Variants in PIP5K1B observed in about 807,000 individuals in gnomAD.
PIP5K1B encodes phosphatidylinositol-4-phosphate 5-kinase type 1 beta.
Under a neutral mutation model 67.0 loss-of-function variants are expected in PIP5K1B, and 42 were observed. The observed-to-expected ratio is 0.63, with a 90% CI of 0.49 to 0.81. The LOEUF (loss-of-function observed/expected upper bound fraction) is 0.81. Ranked by LOEUF, PIP5K1B falls within the 30% of genes least tolerant of loss-of-function variation. The pLI is 0.00. For missense variants in PIP5K1B, 459 were observed against 646.3 expected, an observed-to-expected ratio of 0.71 and a Z score of 3.14; for synonymous variants, 214 against 231.4, an observed-to-expected ratio of 0.92 and a Z score of 0.68.
chr9:68,914,611 A>G (rs1470184336), intron 8 of PIP5K1B, among the ~76,000 whole-genome samples: 2 of 152,158 alleles, frequency 1.3e-5, no homozygotes, highest in East Asian at 1.9e-4. Context: ...GCTACTCGGG[A>G]GGCTGAGGCA....
intron 2 of PIP5K1B, among the ~76,000 whole-genome samples, chr9:68,757,767 C>T (rs1829998134): frequency 6.6e-6 from 1 of 152,186 alleles, no homozygotes; most frequent in East Asian, 1.9e-4. Context: ...TCTACTTTTT[C>T]AACTGCAAAT....
intron 3 of PIP5K1B, among the ~76,000 whole-genome samples, chr9:68,818,801 A>C (rs1833583902): frequency 6.6e-6 from 1 of 152,172 alleles, no homozygotes. Context: ...TTAAATTTTT[A>C]AATAGTATTT....
intron 11 of PIP5K1B, among the ~76,000 whole-genome samples, 173 bp from the exon 12 acceptor site, chr9:68,923,129 C>G (rs1419194348): frequency 6.6e-6 from 1 of 152,206 alleles, no homozygotes; most frequent in Non-Finnish European, 1.5e-5. Context: ...GCCCTCCTCC[C>G]TCAGCCCCAG....
intron 2 of PIP5K1B, among the ~76,000 whole-genome samples, chr9:68,756,053 C>T (rs2132370798): frequency 6.6e-6 from 1 of 152,242 alleles, no homozygotes. Flanking sequence ...TAGACTCATT[C>T]CTGTTGTGCA....
intron 2 of PIP5K1B, among the ~76,000 whole-genome samples, chr9:68,794,696 TA>T (rs34317692): frequency 0.1 from 15,168 of 144,602 alleles, 1,465 homozygotes; most frequent in African/African-American, 0.25. Flanking sequence ...TGCTGTAAAT[TA>T]AAAAAAAAAA....
rs147022066 is a variant in PIP5K1B at position 68,875,295 on chromosome 9, C to CAAAA, written c.201-1354_201-1351dup. ...GCCAGCTCCATCCTCTGGTACTCAG[C>CAAAA]AAAAAAAAAAAAAAAAAAAAAAAAA... is the stretch of plus-strand genomic sequence containing the variant. On this transcript the variant is annotated intron_variant, in intron 5 of 15. Transcript: ENST00000265382. 7.6e-3 allele frequency among the ~76,000 whole-genome samples: 340 copies of CAAAA among 44,874 alleles called. 51 individuals are homozygous for CAAAA. Among genetic ancestry groups the CAAAA allele is most frequent in the African/African-American group, 0.017 (174 of 10,184 alleles). 29.4% of individuals were successfully genotyped at this position (44,874 alleles called of 152,430 possible).
At chr9:68,815,969 C>T (rs558740213) in intron 2 of PIP5K1B, among the ~76,000 whole-genome samples, 5 of 152,140 alleles carry the variant, frequency 3.3e-5, no homozygotes, top group African/African-American at 1.2e-4. Context: ...GACAAACTAA[C>T]ATTTGAAGAA....
chr9:68,780,275 C>T (rs1487375449), intron 2 of PIP5K1B: 3 of 1,577,108 alleles, frequency 1.9e-6, no homozygotes, highest in Non-Finnish European at 1.7e-6. Context: ...GGTCTAACAG[C>T]GCCCCCCTGA....
At chr9:68,912,890 G>A (rs565330225) in intron 8 of PIP5K1B, among the ~76,000 whole-genome samples, 157 of 152,298 alleles carry the variant, frequency 1.0e-3, no homozygotes, top group African/African-American at 3.7e-3. Flanking sequence ...ATGATTCTGA[G>A]TTAGGATATT....
intron 1 of PIP5K1B, chr9:68,739,874 C>T (rs991148782): frequency 3.9e-5 from 6 of 152,278 alleles, no homozygotes; most frequent in South Asian, 2.1e-4. Context: ...GACTCCTGCA[C>T]GCTGTCTGCC....
chr9:68,820,877 G>GA (rs1332303142), intron 3 of PIP5K1B, among the ~76,000 whole-genome samples: 1 of 151,948 alleles, frequency 6.6e-6, no homozygotes, highest in Non-Finnish European at 1.5e-5. Flanking sequence ...ATCTCCCAAT[G>GA]AAAAAACATA....
chr9:68,852,350 C>T lies in PIP5K1B; in HGVS notation c.70-11487C>T, dbSNP rs1328948117. Among the ~76,000 whole-genome samples, 7 of 151,878 alleles carry T rather than the reference C, an allele frequency of 4.6e-5. 1 individual carries two copies. In the South Asian group the frequency reaches 8.3e-4, roughly 18 times the overall value. ...ACCTTGTTACCCGCCTCCCCCACAC[C>T]GCCCCCCAAGCCATAAAAAGGTAAG... On this transcript the variant is annotated intron_variant, in intron 4 of 15. Transcript: ENST00000265382.
At chr9:68,856,793 A>G (rs1232347718) in intron 4 of PIP5K1B, among the ~76,000 whole-genome samples, 2 of 152,180 alleles carry the variant, frequency 1.3e-5, no homozygotes, top group Non-Finnish European at 2.9e-5. Context: ...TGGGGGCAAC[A>G]CGGGAAAAAA....
At chr9:68,729,361 C>A (rs1804304688) in intron 1 of PIP5K1B, among the ~76,000 whole-genome samples, 1 of 151,954 alleles carries the variant, frequency 6.6e-6, no homozygotes, top group South Asian at 2.1e-4. Flanking sequence ...TAAACTCTTG[C>A]TTTCTGTTAC....
chr9:68,983,677 G>A (rs1259798881), intron 14 of PIP5K1B, among the ~76,000 whole-genome samples: 1 of 152,178 alleles, frequency 6.6e-6, no homozygotes, highest in East Asian at 1.9e-4. Flanking sequence ...GCTCATGCCT[G>A]TAATGGCAGT....
At chr9:68,880,564 C>CACACACACACACACACACACGCAT (rs1824136072) in intron 6 of PIP5K1B, among the ~76,000 whole-genome samples, 1 of 53,354 alleles carries the variant, frequency 1.9e-5, no homozygotes, top group Non-Finnish European at 5.1e-5. Flanking sequence ...GAAACACACA[C>CACACACACACACACACACACGCAT]ACACACACAC....
intron 14 of PIP5K1B, among the ~76,000 whole-genome samples, chr9:68,983,423 T>C (rs7031059): frequency 0.33 from 50,634 of 151,976 alleles, 10,720 homozygotes; most frequent in African/African-American, 0.59. Context: ...TGGAGTTGGC[T>C]TCTGCTACTC....
chr9:68,968,503 CA>C (rs35997709), intron 14 of PIP5K1B, among the ~76,000 whole-genome samples: 6,967 of 132,014 alleles, frequency 0.053, 365 homozygotes, highest in African/African-American at 0.15. Flanking sequence ...GACTCTGTCT[CA>C]AAAAAAAAAA....
At chr9:68,798,625 G>A (rs1167985000) in intron 2 of PIP5K1B, among the ~76,000 whole-genome samples, 2 of 152,154 alleles carry the variant, frequency 1.3e-5, no homozygotes, top group Admixed American at 6.5e-5. Context: ...AGGAAGCATA[G>A]CATCAGATAA....
Sources: gnomAD v4.1 joint callset for allele counts (sites outside exome capture counted in the v4.1 genomes callset) on GRCh38, gnomAD v4.1.1 for gene constraint, MANE v1.5 for transcripts, NCBI Gene and HGNC (gene_info 2026-07-23, HGNC 2026-07-21) for gene names.